Variants in ENPP2 observed in about 807,000 individuals in gnomAD.
ENPP2 encodes the protein ectonucleotide pyrophosphatase/phosphodiesterase 2.
Under a neutral mutation model 120.2 loss-of-function variants are expected in ENPP2, and 51 were observed. That is an observed-to-expected ratio of 0.42 (90% CI 0.34 to 0.54). The LOEUF (loss-of-function observed/expected upper bound fraction) is 0.54, where lower values mean the gene tolerates loss of function less well. Among genes scored for constraint, ENPP2 ranks in the 20% least tolerant of loss-of-function variants. ENPP2 has a pLI of 0.04. For missense variants in ENPP2, 920 were observed against 1,066.5 expected (o/e 0.86, Z 1.91); for synonymous variants, 365 against 366.4 (o/e 1.00, Z 0.04).
chr8:119,561,983 A>AG (rs1238296105), intron 24 of ENPP2, among the ~76,000 whole-genome samples: 2 of 152,066 alleles, frequency 1.3e-5, no homozygotes, highest in African/African-American at 4.8e-5. Context: ...CTAAAAATAC[A>AG]AAAATTAGCT....
chr8:119,619,114 AG>A, intron 5 of ENPP2, 129 bp downstream of exon 5: 2 of 670,988 alleles, frequency 3.0e-6, no homozygotes. Flanking sequence ...ATTACTCCTA[AG>A]TACTCATAAG....
intron 8 of ENPP2, among the ~76,000 whole-genome samples, chr8:119,609,257 C>A (rs1814930109): frequency 6.6e-6 from 1 of 152,106 alleles, no homozygotes; most frequent in South Asian, 2.1e-4. Context: ...TCTAGAAATC[C>A]TCAGCCCCAA....
intron 11 of ENPP2, chr8:119,595,771 T>C: frequency 1.4e-6 from 2 of 1,460,326 alleles, no homozygotes; most frequent in South Asian, 1.2e-5. Context: ...CAGCCGATTT[T>C]CCAACCAAGG....
intron 8 of ENPP2, among the ~76,000 whole-genome samples, chr8:119,611,564 G>C (rs532456533): frequency 1.5e-4 from 23 of 152,316 alleles, no homozygotes; most frequent in South Asian, 4.1e-4. Flanking sequence ...ACCTACCCTA[G>C]GGGAAGCACA....
intron 1 of ENPP2, among the ~76,000 whole-genome samples, chr8:119,644,625 T>TATATATATAC (rs1327738777): frequency 2.0e-4 from 15 of 74,304 alleles, no homozygotes; most frequent in African/African-American, 5.4e-4. Context: ...TATATATATA[T>TATATATATAC]ACACACACAC....
Position 119,622,289 on chromosome 8 carries a change from A to G in ENPP2, c.293-770T>C, listed in dbSNP as rs114970145. Among the ~76,000 whole-genome samples, 1,222 of 152,322 alleles carry G rather than the reference A, an allele frequency of 8.0e-3. 15 individuals are homozygous for G. The highest frequency in any genetic ancestry group is 0.028 in the African/African-American group (1,173 of 41,574). On this transcript the variant is annotated intron_variant, in intron 3 of 24. Transcript: ENST00000075322. ...CAAACACAAATAACAGGACAACTACATGGTTTCTATCTGCACCTGGAGGTT... is the reference window on the plus strand; with the variant it reads ...CAAACACAAATAACAGGACAACTACGTGGTTTCTATCTGCACCTGGAGGTT...
chr8:119,609,219 C>G (rs1252867411), intron 8 of ENPP2, among the ~76,000 whole-genome samples: 5 of 152,088 alleles, frequency 3.3e-5, no homozygotes, highest in Non-Finnish European at 7.4e-5. Context: ...TGGGAAAGCT[C>G]GAAAAGGGTT....
intron 11 of ENPP2, among the ~76,000 whole-genome samples, chr8:119,596,158 G>A (rs1813882435): frequency 6.6e-6 from 1 of 152,200 alleles, no homozygotes; most frequent in African/African-American, 2.4e-5. Flanking sequence ...GATGATTAGA[G>A]GAACTCTATG....
chr8:119,589,782 A>T (rs1165660038), intron 13 of ENPP2, among the ~76,000 whole-genome samples: 3 of 151,614 alleles, frequency 2.0e-5, no homozygotes, highest in Admixed American at 6.6e-5. Context: ...ACTCTAAAGA[A>T]TTTTTTTTTC....
intron 19 of ENPP2, chr8:119,571,510 A>T (rs1814979048): frequency 1.3e-5 from 2 of 152,202 alleles, no homozygotes. Flanking sequence ...CCTCCAAAGG[A>T]AAGCTCTCTT....
At chr8:119,583,130 G>T (rs1812863488) in intron 17 of ENPP2, among the ~76,000 whole-genome samples, 1 of 152,182 alleles carries the variant, frequency 6.6e-6, no homozygotes, top group Admixed American at 6.5e-5. Flanking sequence ...GTGAATGGTT[G>T]CCAAGTGCGT....
At chr8:119,611,725 CT>C (rs1270841062) in intron 8 of ENPP2, among the ~76,000 whole-genome samples, 1 of 152,116 alleles carries the variant, frequency 6.6e-6, no homozygotes, top group East Asian at 1.9e-4. Context: ...GAATAACCAA[CT>C]TCAAAAGGAG....
At chr8:119,633,468 CGTTAAAACAGG>C (rs1816804642) in intron 2 of ENPP2, among the ~76,000 whole-genome samples, 2 of 151,082 alleles carry the variant, frequency 1.3e-5, no homozygotes, top group Non-Finnish European at 2.9e-5. Flanking sequence ...TTCTCAAGAG[CGTTAAAACAGG>C]ACAAGTTCCC....
chr8:119,596,733 A>G (rs555045469), intron 11 of ENPP2, among the ~76,000 whole-genome samples: 64 of 152,270 alleles, frequency 4.2e-4, no homozygotes, highest in Admixed American at 2.4e-3. Flanking sequence ...TCAAAAAGTC[A>G]TCTCTTTTTT....
intron 9 of ENPP2, among the ~76,000 whole-genome samples, chr8:119,604,354 C>T (rs1004286710): frequency 2.6e-5 from 4 of 152,184 alleles, no homozygotes; most frequent in African/African-American, 7.2e-5. Flanking sequence ...AGGAGTTGGG[C>T]AAGGTTGTCT....
intron 1 of ENPP2, among the ~76,000 whole-genome samples, chr8:119,663,080 G>C (rs1365802080): frequency 6.8e-6 from 1 of 146,396 alleles, no homozygotes; most frequent in Non-Finnish European, 1.5e-5. Context: ...TCACGCCGCT[G>C]CACTCCAGCC....
chr8:119,602,614 A>G (rs7822457), intron 9 of ENPP2, among the ~76,000 whole-genome samples: 78,619 of 152,002 alleles, frequency 0.52, 20,780 homozygotes, highest in South Asian at 0.7. Context: ...CTAAGGCCTC[A>G]CAGCTAACAT....
intron 2 of ENPP2, among the ~76,000 whole-genome samples, chr8:119,627,826 C>G: frequency 6.6e-6 from 1 of 150,772 alleles, no homozygotes; most frequent in Non-Finnish European, 1.5e-5. Context: ...CGCACTATTG[C>G]ACTCCAGCCT....
At chr8:119,594,273 C>T (rs982659094) in intron 11 of ENPP2, among the ~76,000 whole-genome samples, 1 of 152,152 alleles carries the variant, frequency 6.6e-6, no homozygotes, top group South Asian at 2.1e-4. Flanking sequence ...GAATTCAAAG[C>T]TGTTCTGAGG....
Sources: gnomAD v4.1 joint callset for allele counts (sites outside exome capture counted in the v4.1 genomes callset) on GRCh38, gnomAD v4.1.1 for gene constraint, MANE v1.5 for transcripts, NCBI Gene and HGNC (gene_info 2026-07-23, HGNC 2026-07-21) for gene names.